Variants in TMED10 observed in about 807,000 individuals in gnomAD.
TMED10 encodes the protein transmembrane p24 trafficking protein 10.
TMED10 carries 7 observed loss-of-function variants against 23.1 expected under a neutral mutation model. The ratio of observed to expected loss-of-function variants is 0.30; its 90% CI spans 0.17 to 0.57. The LOEUF (loss-of-function observed/expected upper bound fraction) is 0.57. TMED10 is among the 20% of genes least tolerant of loss of function. The pLI is 0.91. For synonymous variants in TMED10, 113 were observed against 106.9 expected, an observed-to-expected ratio of 1.06 and a Z score of -0.35; for missense variants, 162 against 274.8, an observed-to-expected ratio of 0.59 and a Z score of 2.90.
intron 1 of TMED10, among the ~76,000 whole-genome samples, chr14:75,154,432 G>GAAAAAAA (rs1895996819): frequency 2.0e-5 from 1 of 51,058 alleles, no homozygotes; most frequent in African/African-American, 6.0e-5. Flanking sequence ...AAAAAAAAAG[G>GAAAAAAA]CATGTATCAC....
In TMED10 at chr14:75,157,071, C is replaced by T. The variant is rs541656766; in HGVS notation, c.226-4928G>A. ...AGCTGACTAACATCACATAGAATGA[C>T]TGCTGGGTAGCACTGAGATCTCAGC... On this transcript the variant is annotated intron_variant, in intron 1 of 4. Transcript: ENST00000303575. 1.2e-3 allele frequency among the ~76,000 whole-genome samples: 189 copies of T among 152,300 alleles called. 1 individual carries two copies. The highest frequency in any genetic ancestry group is 3.4e-3 in the Middle Eastern group (1 of 294).
In TMED10 at chr14:75,176,554, G is replaced by A. The variant is rs746162198; in HGVS notation, c.26C>T (p.Ala9Val). The A allele has an allele frequency of 2.2e-5, 36 of 1,614,058 alleles. No homozygotes were observed. The highest frequency in any genetic ancestry group is 2.8e-5 in the Non-Finnish European group (33 of 1,180,044). Reference sequence around the variant, plus strand: ...CGCTAACGGAAAAGGGCCGCGCCGGGCTGGTGGGCCAGACAAACCAGACAT... The same window carrying A: ...CGCTAACGGAAAAGGGCCGCGCCGGACTGGTGGGCCAGACAAACCAGACAT... Reference protein sequence around the residue: MSGLSGPPARRGPFPLALL... With the variant: MSGLSGPPVRRGPFPLALL... The change falls in exon 1 of 5, where the codon GCC (alanine) becomes GTC (valine). Residue 9 changes from alanine to valine, a missense_variant. This residue lies in a region of TMED10 where 36 missense variants were observed against 35.2 expected (regional missense o/e 1.02). Transcript: ENST00000303575.
chr14:75,135,014 A>G lies in TMED10; in HGVS notation c.539-8T>C. On this transcript the variant is annotated splice_polypyrimidine_tract_variant and splice_region_variant and intron_variant, in intron 4 of 4. Transcript: ENST00000303575. Reference sequence around the variant, plus strand: ...CCCGAGTGTTTGTTGACTCTAAAAAAAAACAAAAGCATTGTAAACATAATG... The same window carrying G: ...CCCGAGTGTTTGTTGACTCTAAAAAGAAACAAAAGCATTGTAAACATAATG... 11 of 1,613,892 alleles carry G rather than the reference A, an allele frequency of 6.8e-6. No individual in the cohort carries two copies. The highest frequency in any genetic ancestry group is 9.3e-6 in the Non-Finnish European group (11 of 1,179,856).
intron 1 of TMED10, among the ~76,000 whole-genome samples, chr14:75,164,551 ATATATATATATATATATATATATATATT>A (rs1221322913): frequency 0.014 from 22 of 1,530 alleles, 3 homozygotes; most frequent in African/African-American, 0.027. Flanking sequence ...ATATATATAT[ATATATATATATATATATATATATATATT>A]TTTTTTTTTT....
intron 1 of TMED10, among the ~76,000 whole-genome samples, chr14:75,166,525 G>T (rs1035182433): frequency 1.2e-4 from 19 of 152,172 alleles, no homozygotes; most frequent in African/African-American, 4.1e-4. Context: ...TAAAGATATG[G>T]TGTAGCAATT....
chr14:75,137,834 G>A lies in TMED10; in HGVS notation c.412-1948C>T, dbSNP rs984263372. Among the ~76,000 whole-genome samples, 4 of 151,558 alleles carry A rather than the reference G, an allele frequency of 2.6e-5. No homozygotes were observed. In the South Asian group the frequency reaches 6.3e-4, roughly 24 times the overall value. On this transcript the variant is annotated intron_variant, in intron 3 of 4. Coordinates refer to ENST00000303575, the MANE Select transcript of TMED10 (RefSeq NM_006827.6). ...AAAAATCCTCCCACCTCAGCCTCCT[G>A]AGTAGCTGGGATTACAGGTGTGTGC...
rs555112578 is a variant in TMED10, at chr14:75,166,991, G to A, written c.225+9364C>T. The stretch of plus-strand genomic sequence containing the variant: ...GAGTCTCACTCTGTCGCCCAGGCTG[G>A]AGTGCAGTGGCGTGATCTCGGCTCA... On this transcript the variant is annotated intron_variant, in intron 1 of 4. Coordinates refer to ENST00000303575, the MANE Select transcript of TMED10 (RefSeq NM_006827.6). 3.1e-4 allele frequency among the ~76,000 whole-genome samples: 46 copies of A among 148,136 alleles called. 1 individual carries two copies. In the South Asian group the frequency reaches 4.0e-3, roughly 13 times the overall value.
At chr14:75,168,911 G>A (rs921398424) in intron 1 of TMED10, among the ~76,000 whole-genome samples, 3 of 152,178 alleles carry the variant, frequency 2.0e-5, no homozygotes, top group Non-Finnish European at 4.4e-5. Flanking sequence ...ACAACTTTTG[G>A]TGAGGGGGAA....
intron 1 of TMED10, among the ~76,000 whole-genome samples, chr14:75,160,416 T>G (rs558206795): frequency 1.3e-5 from 2 of 152,220 alleles, no homozygotes; most frequent in Admixed American, 1.3e-4. Flanking sequence ...CTTAATTTCC[T>G]TTCATTAAAA....
At chr14:75,158,082 G>A (rs1896042888) in intron 1 of TMED10, among the ~76,000 whole-genome samples, 1 of 152,186 alleles carries the variant, frequency 6.6e-6, no homozygotes, top group African/African-American at 2.4e-5. Flanking sequence ...GGCCAAGAAA[G>A]ACTAATAGAA....
intron 3 of TMED10, among the ~76,000 whole-genome samples, chr14:75,137,547 C>T (rs1356154360): frequency 6.7e-6 from 1 of 149,106 alleles, no homozygotes; most frequent in East Asian, 2.1e-4. Flanking sequence ...TGGTGGCGGG[C>T]GCCTGTAGTC....
chr14:75,176,469 G>A lies in TMED10; in HGVS notation c.111C>T (p.Pro37=). The part of the protein sequence containing the change: ...RLVLAISFHL[P]INSRKCLREE... ...CACGGAGGCACTTGCGAGAGTTAAT[G>A]GGCAGATGGAAGGAGATGGCAAGGA... is the stretch of plus-strand genomic sequence containing the variant. Residue 37 remains proline, a synonymous_variant, in exon 1 of 5, where the codon CCC becomes CCT. Transcript: ENST00000303575. The A allele has an allele frequency of 6.2e-7, 1 of 1,614,224 alleles. No individual in the cohort carries two copies. Among genetic ancestry groups the A allele is most frequent in the Non-Finnish European group, 8.5e-7 (1 of 1,180,042 alleles).
intron 1 of TMED10, among the ~76,000 whole-genome samples, chr14:75,170,924 T>C (rs985886905): frequency 6.6e-6 from 1 of 152,152 alleles, no homozygotes; most frequent in Non-Finnish European, 1.5e-5. Context: ...GAAAGGTTAA[T>C]GGGAAACTTT....
At chr14:75,147,375 G>T (rs545404742) in intron 3 of TMED10, among the ~76,000 whole-genome samples, 1 of 152,044 alleles carries the variant, frequency 6.6e-6, no homozygotes, top group Non-Finnish European at 1.5e-5. Context: ...TGTATTTTTA[G>T]TAGAAACTTG....
At chr14:75,147,624 G>C in intron 3 of TMED10, 40 bp downstream of exon 3, 1 of 1,605,796 alleles carries the variant, frequency 6.2e-7, no homozygotes, top group Non-Finnish European at 8.5e-7. Flanking sequence ...TCACAGCATA[G>C]CACACTGCTG....
chr14:75,163,436 C>T (rs1001668829), intron 1 of TMED10, among the ~76,000 whole-genome samples: 3 of 151,552 alleles, frequency 2.0e-5, no homozygotes, highest in Non-Finnish European at 4.4e-5. Flanking sequence ...GCCTGTAGTC[C>T]CAGCTACTCA....
chr14:75,139,005 C>A, intron 3 of TMED10: 1 of 336,486 alleles, frequency 3.0e-6, no homozygotes, highest in Non-Finnish European at 5.8e-6. Flanking sequence ...ACAACCAACA[C>A]ATAAATATAT....
intron 1 of TMED10, among the ~76,000 whole-genome samples, chr14:75,167,185 C>G (rs559649943): frequency 6.6e-6 from 1 of 152,166 alleles, no homozygotes; most frequent in African/African-American, 2.4e-5. Flanking sequence ...CGTGATCCAC[C>G]CACCTCAGCT....
chr14:75,147,027 G>A (rs1425141944), intron 3 of TMED10, among the ~76,000 whole-genome samples: 1 of 152,014 alleles, frequency 6.6e-6, no homozygotes, highest in East Asian at 1.9e-4. Flanking sequence ...ACAAATAACT[G>A]AATTCCAGCT....
Sources: allele counts gnomAD v4.1 joint callset (sites outside exome capture counted in the v4.1 genomes callset), GRCh38; gene constraint gnomAD v4.1.1; regional missense constraint gnomAD v4.1.1; transcripts MANE v1.5; gene names NCBI Gene and HGNC (gene_info 2026-07-23, HGNC 2026-07-21).